The following GALNT18 variants were observed in gnomAD, a reference collection of about 807,000 sequenced individuals.
The protein encoded by GALNT18 is polypeptide N-acetylgalactosaminyltransferase 18.
In GALNT18, 44 loss-of-function variants were observed where a neutral mutation model predicts 69.5. That is an observed-to-expected ratio of 0.63 (90% CI 0.50 to 0.81). The LOEUF (loss-of-function observed/expected upper bound fraction) is 0.81, where lower values mean the gene tolerates loss of function less well. Among genes scored for constraint, GALNT18 ranks in the 40% least tolerant of loss-of-function variants. GALNT18 has a pLI of 0.00. For missense variants in GALNT18, 715 were observed against 810.0 expected (o/e 0.88, Z 1.42); for synonymous variants, 364 against 318.2 (o/e 1.14, Z -1.53).
At chr11:11,360,474 C>T (rs12417001) in intron 6 of GALNT18, among the ~76,000 whole-genome samples, 26,366 of 152,190 alleles carry the variant, frequency 0.17, 2,851 homozygotes, top group East Asian at 0.37. Context: ...TTCTCTTCAT[C>T]GATTTTCTAT....
At chr11:11,278,306 T>G (rs11021744) in intron 10 of GALNT18, among the ~76,000 whole-genome samples, 1 of 150,044 alleles carries the variant, frequency 6.7e-6, no homozygotes, top group African/African-American at 2.5e-5. Flanking sequence ...CTGGACCAAG[T>G]TGACCAACGA....
chr11:11,275,473 T>C (rs1848924071), intron 10 of GALNT18, among the ~76,000 whole-genome samples: 1 of 152,210 alleles, frequency 6.6e-6, no homozygotes, highest in African/African-American at 2.4e-5. Flanking sequence ...AAGTTTTCTC[T>C]CATTCTGTAG....
intron 9 of GALNT18, among the ~76,000 whole-genome samples, chr11:11,310,578 G>T (rs1396726509): frequency 6.6e-6 from 1 of 152,072 alleles, no homozygotes; most frequent in Non-Finnish European, 1.5e-5. Context: ...CTTCACCCAA[G>T]CCAACCTCCA....
At chr11:11,293,497 TTTAAA>T (rs937591693) in intron 9 of GALNT18, among the ~76,000 whole-genome samples, 2 of 151,940 alleles carry the variant, frequency 1.3e-5, no homozygotes, top group Non-Finnish European at 2.9e-5. Context: ...GTCATAACCT[TTTAAA>T]TTTATTTCTT....
chr11:11,347,068 G>A lies in GALNT18; in HGVS notation c.1093-6064C>T, dbSNP rs1211631448. 6.6e-6 allele frequency among the ~76,000 whole-genome samples: 1 copy of A among 152,150 alleles called. No homozygotes were observed. Among genetic ancestry groups the A allele is most frequent in the African/African-American group, 2.4e-5 (1 of 41,420 alleles). The stretch of plus-strand genomic sequence containing the variant: ...TCTTATCCCAGGCTGAGGAGCCACT[G>A]GTACAAGGTCAGGGTTACATCTTGT... On this transcript the variant is annotated intron_variant, in intron 6 of 10. Coordinates refer to ENST00000227756, the MANE Select transcript of GALNT18 (RefSeq NM_198516.3). This position sits in a 1 kb window ranked among gnomAD's most constrained non-coding sequence, Gnocchi z 4.0.
At chr11:11,316,074 A>T (rs1055362479) in intron 9 of GALNT18, among the ~76,000 whole-genome samples, 9 of 152,200 alleles carry the variant, frequency 5.9e-5, no homozygotes, top group African/African-American at 2.2e-4. Context: ...AATAATGCAG[A>T]GCTGGAGGTG....
intron 7 of GALNT18, among the ~76,000 whole-genome samples, chr11:11,335,320 C>G (rs1850093241): frequency 6.6e-6 from 1 of 152,170 alleles, no homozygotes; most frequent in Non-Finnish European, 1.5e-5. Flanking sequence ...AGTCCCCTTC[C>G]CCTTCCTGTG....
chr11:11,352,457 C>T (rs768347180), intron 6 of GALNT18: 1 of 1,614,190 alleles, frequency 6.2e-7, no homozygotes, highest in East Asian at 2.2e-5. Flanking sequence ...TACTTGCCAG[C>T]ATACAACCCA....
intron 8 of GALNT18, among the ~76,000 whole-genome samples, chr11:11,330,947 C>G (rs1850007880): frequency 6.6e-6 from 1 of 152,194 alleles, no homozygotes; most frequent in Non-Finnish European, 1.5e-5. Context: ...CAGAAGCTTG[C>G]CCTGGCTCAC....
chr11:11,390,217 C>A (rs539084792), intron 3 of GALNT18, among the ~76,000 whole-genome samples: 3 of 152,308 alleles, frequency 2.0e-5, no homozygotes, highest in African/African-American at 7.2e-5. Context: ...GCCTTCTCTG[C>A]AAGACTGTGT....
At chr11:11,365,517 T>TG (rs1468251031) in intron 6 of GALNT18, among the ~76,000 whole-genome samples, 1 of 152,202 alleles carries the variant, frequency 6.6e-6, no homozygotes, top group Non-Finnish European at 1.5e-5. Context: ...TGCTCAGTAA[T>TG]GGGGTTGCTG....
In GALNT18 at chr11:11,459,290, G is replaced by A. The variant is rs761400458; in HGVS notation, c.236-10354C>T. Among the ~76,000 whole-genome samples the A allele has an allele frequency of 7.9e-5, 12 of 152,186 alleles. No individual in the cohort carries two copies. The highest frequency in any genetic ancestry group is 1.3e-4 in the Non-Finnish European group (9 of 68,036). On this transcript the variant is annotated intron_variant, in intron 1 of 10. Coordinates refer to ENST00000227756, the MANE Select transcript of GALNT18 (RefSeq NM_198516.3). This position sits in a 1 kb window ranked among gnomAD's most constrained non-coding sequence, Gnocchi z 5.0. ...GAATCCTCAGAGCTGCCAAAAGAAC[G>A]AAGTGGAATCTGACAGCAAAGAGCT...
intron 1 of GALNT18, among the ~76,000 whole-genome samples, chr11:11,556,028 G>C (rs1371619228): frequency 2.0e-5 from 3 of 152,184 alleles, no homozygotes; most frequent in Non-Finnish European, 4.4e-5. Context: ...CCAGGTCATG[G>C]ATGAAGCAAA....
intron 9 of GALNT18, among the ~76,000 whole-genome samples, chr11:11,311,761 G>A (rs1417178919): frequency 6.6e-6 from 1 of 152,174 alleles, no homozygotes; most frequent in Non-Finnish European, 1.5e-5. Context: ...TACTGAATGT[G>A]ATAAACAGAT....
chr11:11,570,946 A>T (rs1321624378), intron 1 of GALNT18, among the ~76,000 whole-genome samples: 3 of 152,346 alleles, frequency 2.0e-5, no homozygotes, highest in East Asian at 3.9e-4. Flanking sequence ...ATGAGGTATT[A>T]GTAACAGTTA....
At chr11:11,529,638 T>TACACAC (rs765431311) in intron 1 of GALNT18, among the ~76,000 whole-genome samples, 56 of 72,954 alleles carry the variant, frequency 7.7e-4, no homozygotes, top group East Asian at 2.6e-3. Flanking sequence ...TATATATATA[T>TACACAC]ACACACACAC....
At chr11:11,335,880 G>T (rs549089827) in intron 7 of GALNT18, among the ~76,000 whole-genome samples, 71 of 152,298 alleles carry the variant, frequency 4.7e-4, no homozygotes, top group African/African-American at 1.6e-3. Flanking sequence ...ATGCTGGAGG[G>T]AGCACAGCTC....
intron 1 of GALNT18, among the ~76,000 whole-genome samples, chr11:11,581,032 CAG>C (rs1190962493): frequency 2.6e-5 from 4 of 152,346 alleles, no homozygotes; most frequent in African/African-American, 9.6e-5. Flanking sequence ...AAGAGGGAGA[CAG>C]TGTGTGTTGA....
intron 10 of GALNT18, among the ~76,000 whole-genome samples, chr11:11,276,260 T>C (rs184573031): frequency 6.6e-6 from 1 of 152,288 alleles, no homozygotes; most frequent in African/African-American, 2.4e-5. Flanking sequence ...CCCTTGTAAG[T>C]TGGATTCCTA....
Sources: gnomAD v4.1 joint callset for allele counts (sites outside exome capture counted in the v4.1 genomes callset) on GRCh38, gnomAD v4.1.1 for gene constraint, Gnocchi (gnomAD v3.1) non-coding constraint, MANE v1.5 for transcripts, NCBI Gene and HGNC (gene_info 2026-07-23, HGNC 2026-07-21) for gene names.